Variants in MSI2 observed in about 807,000 individuals in gnomAD.
The protein encoded by MSI2 is musashi RNA binding protein 2.
In MSI2, 17 loss-of-function variants were observed where a neutral mutation model predicts 45.6. The observed-to-expected ratio is 0.37, with a 90% CI of 0.26 to 0.56. MSI2 has a LOEUF of 0.56. Ranked by LOEUF, MSI2 falls within the 20% of genes least tolerant of loss-of-function variation. The probability of loss-of-function intolerance (pLI) is 0.77; values close to 1 mark genes in which losing one functional copy is unlikely to be tolerated. For missense variants in MSI2, 293 were observed against 444.2 expected (o/e 0.66, Z 3.06); for synonymous variants, 156 against 158.2 (o/e 0.99, Z 0.11).
intron 6 of MSI2, among the ~76,000 whole-genome samples, chr17:57,467,298 T>C (rs903225353): frequency 1.3e-5 from 2 of 152,118 alleles, no homozygotes; most frequent in African/African-American, 4.8e-5. Flanking sequence ...GTACCTGGGA[T>C]ATGGTGCATT....
chr17:57,331,866 C>A (rs1446488026), intron 5 of MSI2, among the ~76,000 whole-genome samples: 1 of 152,188 alleles, frequency 6.6e-6, no homozygotes, highest in Non-Finnish European at 1.5e-5. Context: ...CAATATGACC[C>A]TAGCTCTTTA....
intron 6 of MSI2, among the ~76,000 whole-genome samples, chr17:57,519,784 C>T (rs1210525378): frequency 1.3e-5 from 2 of 152,216 alleles, no homozygotes; most frequent in Non-Finnish European, 2.9e-5. Flanking sequence ...TAAGGGAGAA[C>T]AGAAGACTTA....
chr17:57,421,603 C>T (rs182675650), intron 6 of MSI2, among the ~76,000 whole-genome samples: 42 of 152,252 alleles, frequency 2.8e-4, no homozygotes, highest in Non-Finnish European at 4.3e-4. Flanking sequence ...AATAAATAGT[C>T]CTGGTGCAGT....
intron 7 of MSI2, among the ~76,000 whole-genome samples, chr17:57,586,289 A>T (rs2088345716): frequency 6.6e-6 from 1 of 152,074 alleles, no homozygotes; most frequent in Non-Finnish European, 1.5e-5. Context: ...TTCAAATCAC[A>T]CTATCAGTAT....
At chr17:57,528,557 T>C (rs75580404) in intron 6 of MSI2, among the ~76,000 whole-genome samples, 2 of 152,180 alleles carry the variant, frequency 1.3e-5, no homozygotes, top group African/African-American at 2.4e-5. Flanking sequence ...GTAACGCAGA[T>C]TGGAGGGCTA....
chr17:57,404,709 A>G (rs2084051824), intron 6 of MSI2, among the ~76,000 whole-genome samples: 1 of 152,090 alleles, frequency 6.6e-6, no homozygotes, highest in South Asian at 2.1e-4. Context: ...GGTGGCAATC[A>G]AGATGGGTAA....
intron 5 of MSI2, chr17:57,263,577 A>G (rs1907511920): frequency 1.3e-5 from 2 of 152,170 alleles, no homozygotes; most frequent in African/African-American, 2.4e-5. Context: ...CAGGTTAGTC[A>G]TTTGATCACT....
At chr17:57,270,151 A>C (rs1908223164) in intron 5 of MSI2, among the ~76,000 whole-genome samples, 2 of 152,146 alleles carry the variant, frequency 1.3e-5, no homozygotes, top group Admixed American at 1.3e-4. Flanking sequence ...AAAAAGAAAA[A>C]TCCTAATTCA....
At chr17:57,466,397 A>T (rs2085331052) in intron 6 of MSI2, among the ~76,000 whole-genome samples, 1 of 152,212 alleles carries the variant, frequency 6.6e-6, no homozygotes, top group Non-Finnish European at 1.5e-5. Flanking sequence ...ATATGACCTA[A>T]AGCTGTATGG....
chr17:57,306,411 A>G (rs1911899530), intron 5 of MSI2, among the ~76,000 whole-genome samples: 1 of 152,212 alleles, frequency 6.6e-6, no homozygotes, highest in African/African-American at 2.4e-5. Flanking sequence ...ATTAAGTCAC[A>G]AAACGAAGTC....
At chr17:57,447,817 T>C (rs1339757993) in intron 6 of MSI2, among the ~76,000 whole-genome samples, 1 of 152,170 alleles carries the variant, frequency 6.6e-6, no homozygotes, top group Admixed American at 6.5e-5. Flanking sequence ...CAGCCCCCAC[T>C]GACACTGACA....
chr17:57,486,255 G>A (rs538137155), intron 6 of MSI2, among the ~76,000 whole-genome samples: 37 of 152,326 alleles, frequency 2.4e-4, no homozygotes, highest in Middle Eastern at 3.4e-3. Context: ...ATAAGCGTTT[G>A]TCTGAGAACC....
intron 8 of MSI2, among the ~76,000 whole-genome samples, chr17:57,597,943 G>A (rs538631699): frequency 6.6e-6 from 1 of 151,698 alleles, no homozygotes; most frequent in South Asian, 2.1e-4. Context: ...GCAGCCTCAA[G>A]AGGAAGGGAG....
At chr17:57,694,588 T>A in the MSI2 span, among the ~76,000 whole-genome samples, 1 of 152,304 alleles carries the variant, frequency 6.6e-6, no homozygotes, top group Admixed American at 6.5e-5. Flanking sequence ...TGCCACTTTT[T>A]GGCAAAATAC....
intron 5 of MSI2, among the ~76,000 whole-genome samples, chr17:57,296,899 G>C (rs1911005547): frequency 6.6e-6 from 1 of 152,100 alleles, no homozygotes; most frequent in African/African-American, 2.4e-5. Flanking sequence ...TTTTGAGATG[G>C]AGTCTCACTC....
At chr17:57,285,795 G>A (rs1909820535) in intron 5 of MSI2, 1 of 1,331,580 alleles carries the variant, frequency 7.5e-7, no homozygotes, top group Non-Finnish European at 9.7e-7. Flanking sequence ...TTTTAGAAAT[G>A]TTTTCTTTTC....
chr17:57,585,124 T>A (rs1168267377), intron 7 of MSI2, among the ~76,000 whole-genome samples: 5 of 152,114 alleles, frequency 3.3e-5, no homozygotes, highest in Non-Finnish European at 7.4e-5. Flanking sequence ...CCCAGCCCTC[T>A]TAGGGTCTTT....
intron 11 of MSI2, among the ~76,000 whole-genome samples, chr17:57,669,712 C>A (rs9896897): frequency 1.3e-5 from 2 of 152,136 alleles, no homozygotes; most frequent in Non-Finnish European, 2.9e-5. Flanking sequence ...CTCCTGCTCT[C>A]AGTCCTCCGT....
At position 57,393,684 on chromosome 17, in the gene MSI2, ATTTAT is replaced by A. The variant is rs1400172770; in HGVS notation, c.313-7692_313-7688del. Among the ~76,000 whole-genome samples the A allele has an allele frequency of 1.4e-4, 21 of 152,088 alleles. 1 individual carries two copies. In the East Asian group the frequency reaches 3.7e-3, roughly 27 times the overall value. On this transcript the variant is annotated intron_variant, in intron 5 of 13. Coordinates refer to ENST00000284073, the MANE Select transcript of MSI2 (RefSeq NM_138962.4). ...TAACACTATGTTTGTTTATTTATTT[ATTTAT>A]TTATTTATTTTTGAGATGTTTCACT...
Sources: gnomAD v4.1 joint callset for allele counts (sites outside exome capture counted in the v4.1 genomes callset) on GRCh38, gnomAD v4.1.1 for gene constraint, MANE v1.5 for transcripts, NCBI Gene and HGNC (gene_info 2026-07-23, HGNC 2026-07-21) for gene names.